The following FNTA variants were observed in gnomAD, a reference collection of about 807,000 sequenced individuals.
The protein encoded by FNTA is protein farnesyltransferase/geranylgeranyltransferase type-1 subunit alpha.
Under a neutral mutation model 55.2 loss-of-function variants are expected in FNTA, and 27 were observed. That is an observed-to-expected ratio of 0.49 (90% confidence interval 0.36 to 0.67). FNTA has a LOEUF of 0.67. FNTA is among the 30% of genes least tolerant of loss of function. The pLI is 0.00. For synonymous variants in FNTA, 176 were observed against 170.7 expected (o/e 1.03, Z -0.24); for missense variants, 422 against 464.7 (o/e 0.91, Z 0.85).
chr8:43,084,092 A>T (rs1811076576), intron 7 of FNTA, among the ~76,000 whole-genome samples: 1 of 151,284 alleles, frequency 6.6e-6, no homozygotes, highest in South Asian at 2.1e-4. Context: ...AAAGAAGAAC[A>T]TCTCTCCTGG....
intron 2 of FNTA, among the ~76,000 whole-genome samples, chr8:43,059,751 G>T (rs1250747833): frequency 6.6e-6 from 1 of 152,092 alleles, no homozygotes; most frequent in African/African-American, 2.4e-5. Context: ...GTAATTTTAT[G>T]TATATATATT....
At chr8:43,072,689 T>G (rs573511194) in intron 5 of FNTA, among the ~76,000 whole-genome samples, 27 of 152,176 alleles carry the variant, frequency 1.8e-4, no homozygotes, top group African/African-American at 6.5e-4. Context: ...ATTACACCAC[T>G]GCAGTCTACC....
rs548476159 is a variant in FNTA, at chr8:43,077,119, C to T, written c.634-97C>T. ...CTGAATTTGTGATAAATCCTGTGTCCTCAGTTCTACCTTCTTTGTTGTAGT... is the reference window on the plus strand; with the variant it reads ...CTGAATTTGTGATAAATCCTGTGTCTTCAGTTCTACCTTCTTTGTTGTAGT... On this transcript the variant is annotated intron_variant, in intron 5 of 8. Coordinates refer to ENST00000302279, the MANE Select transcript of FNTA (RefSeq NM_002027.3). 2.7e-4 allele frequency: 208 copies of T among 776,768 alleles called. No individual in the cohort carries two copies. In the African/African-American group the frequency reaches 3.3e-3, roughly 12 times the overall value. 48.1% of individuals were successfully genotyped at this position (776,768 alleles called of 1,614,324 possible). A position where few individuals can be genotyped will look rare whatever the true frequency, so the allele number is the denominator to read the frequency against.
At chr8:43,060,678 A>T (rs201931454) in intron 2 of FNTA, among the ~76,000 whole-genome samples, 1 of 16,956 alleles carries the variant, frequency 5.9e-5, no homozygotes, top group Non-Finnish European at 4.4e-4. Context: ...TCTGTCTCAA[A>T]AAAAAAAAAA....
Position 43,072,316 on chromosome 8 carries a change from T to A in FNTA, c.633+9T>A, listed in dbSNP as rs1393097191. 1 of 1,537,546 alleles carries A rather than the reference T, an allele frequency of 6.5e-7. No individual in the cohort carries two copies. Among genetic ancestry groups the A allele is most frequent in the African/African-American group, 1.4e-5 (1 of 71,424 alleles). On this transcript the variant is annotated intron_variant, in intron 5 of 8. Transcript: ENST00000302279. ...GACAATGGGTTATTCAGGTATTGCC[T>A]TTCTTGTACAGTGTTTTTCAGATTT...
chr8:43,066,678 A>T (rs1196120930), intron 3 of FNTA, among the ~76,000 whole-genome samples: 1 of 150,470 alleles, frequency 6.6e-6, no homozygotes, highest in African/African-American at 2.5e-5. Context: ...ATTTTTCTCA[A>T]ATGGTTGGTA....
chr8:43,063,041 C>A, intron 2 of FNTA, among the ~76,000 whole-genome samples: 1 of 151,944 alleles, frequency 6.6e-6, no homozygotes, highest in East Asian at 1.9e-4. Context: ...CCTCAGCCTC[C>A]CGAGTAGCTG....
chr8:43,073,338 A>T (rs1352012881), intron 5 of FNTA: 1 of 152,212 alleles, frequency 6.6e-6, no homozygotes, highest in Non-Finnish European at 1.5e-5. Flanking sequence ...TATTTTTGAA[A>T]AGCCCCCTTA....
intron 1 of FNTA, among the ~76,000 whole-genome samples, chr8:43,058,252 T>G (rs1188559829): frequency 1.3e-5 from 2 of 152,156 alleles, no homozygotes; most frequent in Non-Finnish European, 2.9e-5. Context: ...TTTCTGAAGG[T>G]CACACAGCTA....
intron 5 of FNTA, among the ~76,000 whole-genome samples, chr8:43,073,111 A>G (rs1586658638): frequency 1.3e-5 from 2 of 152,292 alleles, no homozygotes; most frequent in African/African-American, 2.4e-5. Flanking sequence ...AGGGATTGCT[A>G]CTTTCTGCAC....
intron 4 of FNTA, chr8:43,070,198 T>C (rs1810756285): frequency 1.3e-5 from 2 of 151,394 alleles, no homozygotes; most frequent in African/African-American, 4.9e-5. Flanking sequence ...TAATCCCAGC[T>C]ACTCAGGAGG....
intron 5 of FNTA, among the ~76,000 whole-genome samples, chr8:43,074,665 G>C (rs574093478): frequency 9.4e-4 from 143 of 152,274 alleles, no homozygotes; most frequent in African/African-American, 3.3e-3. Context: ...GGAAGTCTCA[G>C]GTTTCATACT....
rs1810403433 is a variant in FNTA, at chr8:43,056,496, C to T, written c.150C>T (p.Pro50=). 6.4e-7 allele frequency: 1 copy of T among 1,572,380 alleles called. No individual in the cohort carries two copies. Among genetic ancestry groups the T allele is most frequent in the South Asian group, 1.2e-5 (1 of 84,958 alleles). ...AAEAGEAVAS[P]MDDGFVSLDS... is the part of the protein sequence containing the mutation. ...AGGCTGGGGAAGCCGTGGCGTCCCC[C>T]ATGGACGACGGGTTTGTGAGCCTGG... The change falls in exon 1 of 9, where the codon CCC becomes CCT. Residue 50 remains proline (P), a synonymous_variant. Transcript: ENST00000302279.
chr8:43,066,319 C>T (rs553774082), intron 3 of FNTA, among the ~76,000 whole-genome samples: 2 of 149,750 alleles, frequency 1.3e-5, no homozygotes, highest in Non-Finnish European at 2.9e-5. Context: ...TGCAGTGGCT[C>T]GATCTCTGCT....
intron 1 of FNTA, chr8:43,057,068 A>G (rs900839964): frequency 2.6e-5 from 4 of 152,194 alleles, no homozygotes; most frequent in Non-Finnish European, 5.9e-5. Context: ...GCCTCGTATC[A>G]GCCAGGCTAA....
At chr8:43,085,103 G>C in intron 8 of FNTA, 57 bp from the exon 9 acceptor site, 2 of 1,391,124 alleles carry the variant, frequency 1.4e-6, no homozygotes, top group South Asian at 1.3e-5. Context: ...TGGCTCAAAG[G>C]CATTTGCGCT....
intron 5 of FNTA, among the ~76,000 whole-genome samples, chr8:43,075,582 G>A (rs1383743872): frequency 6.6e-6 from 1 of 151,974 alleles, no homozygotes; most frequent in Non-Finnish European, 1.5e-5. Flanking sequence ...TTGGGAGGCC[G>A]AGGTGGGCAG....
chr8:43,067,932 C>G (rs1810698835), intron 3 of FNTA, among the ~76,000 whole-genome samples: 1 of 152,142 alleles, frequency 6.6e-6, no homozygotes, highest in African/African-American at 2.4e-5. Flanking sequence ...CGGAGTCTTG[C>G]TCTGTCGCCC....
intron 2 of FNTA, chr8:43,063,344 T>C (rs1385663513): frequency 2.2e-6 from 1 of 455,560 alleles, no homozygotes; most frequent in East Asian, 6.9e-5. Flanking sequence ...GTCTTTTGTT[T>C]GTTTTTTTTG....
Sources: gnomAD v4.1 joint callset for allele counts (sites outside exome capture counted in the v4.1 genomes callset) on GRCh38, gnomAD v4.1.1 for gene constraint, MANE v1.5 for transcripts, NCBI Gene and HGNC (gene_info 2026-07-23, HGNC 2026-07-21) for gene names.